The following LRRIQ1 variants were observed in gnomAD, a reference collection of about 807,000 sequenced individuals.
LRRIQ1 encodes the protein leucine-rich repeat- and IQ domain-containing protein 1.
In LRRIQ1, 210 loss-of-function variants were observed where a neutral mutation model predicts 211.9. The ratio of observed to expected loss-of-function variants is 0.99; its 90% CI spans 0.89 to 1.11. LRRIQ1 has a LOEUF of 1.11. Ranked by LOEUF, LRRIQ1 falls within the 50% of genes most tolerant of loss-of-function variation. The probability of loss-of-function intolerance (pLI) is 0.00; values close to 1 mark genes in which losing one functional copy is unlikely to be tolerated. For synonymous variants in LRRIQ1, 699 were observed against 650.1 expected (o/e 1.08, Z -1.14); for missense variants, 2,136 against 1,939.5 (o/e 1.10, Z -1.90).
At chr12:85,142,169 G>A (rs1333633502) in intron 19 of LRRIQ1, among the ~76,000 whole-genome samples, 1 of 151,310 alleles carries the variant, frequency 6.6e-6, no homozygotes, top group African/African-American at 2.4e-5. Flanking sequence ...TCAGTATTAA[G>A]TCTTAACTTT....
At chr12:85,121,068 A>G (rs1308020178) in intron 15 of LRRIQ1, among the ~76,000 whole-genome samples, 1 of 152,076 alleles carries the variant, frequency 6.6e-6, no homozygotes, top group Admixed American at 6.5e-5. Context: ...CCCCGGTTCA[A>G]GTGATTCTCC....
At chr12:85,151,939 A>AC (rs1179565050) in intron 19 of LRRIQ1, among the ~76,000 whole-genome samples, 1 of 151,700 alleles carries the variant, frequency 6.6e-6, no homozygotes, top group Non-Finnish European at 1.5e-5. Flanking sequence ...TCTGTAGTGT[A>AC]AGAGCTAAAA....
chr12:85,159,387 G>A (rs183987202), intron 23 of LRRIQ1: 7 of 152,004 alleles, frequency 4.6e-5, no homozygotes, highest in African/African-American at 1.7e-4. Flanking sequence ...ATGTTTCATT[G>A]TTGATGTCAT....
At chr12:85,152,132 A>G in intron 19 of LRRIQ1, 148 bp from the exon 20 acceptor site, 1 of 586,194 alleles carries the variant, frequency 1.7e-6, no homozygotes, top group Non-Finnish European at 2.9e-6. Flanking sequence ...ACAGATGAAT[A>G]TCATCTCACA....
chr12:85,154,160 A>ACCC (rs1565873323), intron 23 of LRRIQ1, 66 bp downstream of exon 23: 2 of 823,034 alleles, frequency 2.4e-6, no homozygotes, highest in Non-Finnish European at 3.6e-6. Context: ...TCTTTAAAAT[A>ACCC]TATTTTATAA....
At chr12:85,101,400 C>T (rs750255553) in intron 13 of LRRIQ1, among the ~76,000 whole-genome samples, 12 of 151,780 alleles carry the variant, frequency 7.9e-5, no homozygotes, top group Admixed American at 3.9e-4. Context: ...AGCCTTTTTA[C>T]TTCCAGTGAG....
At chr12:85,058,955 A>G (rs567806910) in intron 8 of LRRIQ1, among the ~76,000 whole-genome samples, 6 of 152,170 alleles carry the variant, frequency 3.9e-5, no homozygotes, top group African/African-American at 1.4e-4. Context: ...AATAGGCAGT[A>G]TAAAGATGAA....
At chr12:85,110,535 A>T (rs967755682) in intron 15 of LRRIQ1, among the ~76,000 whole-genome samples, 2 of 152,084 alleles carry the variant, frequency 1.3e-5, no homozygotes, top group Non-Finnish European at 2.9e-5. Context: ...TGCAAAATCT[A>T]CGCTTGTAAC....
At chr12:85,160,553 C>A in intron 23 of LRRIQ1, 60 bp from the exon 24 acceptor site, 1 of 1,004,642 alleles carries the variant, frequency 1.0e-6, no homozygotes, top group Non-Finnish European at 1.5e-6. Flanking sequence ...AATATGTGGA[C>A]ATTTAGAGAA....
At chr12:85,260,129 TAAA>T (rs34282611) in intron 1 of LRRIQ1, among the ~76,000 whole-genome samples, 77 of 115,568 alleles carry the variant, frequency 6.7e-4, no homozygotes, top group African/African-American at 2.1e-3. Flanking sequence ...TCATGTTGGT[TAAA>T]AAAAAAAAAA....
intron 24 of LRRIQ1, among the ~76,000 whole-genome samples, chr12:85,220,368 A>T (rs1314006451): frequency 6.6e-6 from 1 of 151,962 alleles, no homozygotes; most frequent in Non-Finnish European, 1.5e-5. Flanking sequence ...AATCTCCCTC[A>T]CTTTACGATA....
At chr12:85,201,141 C>T (rs1893270132) in intron 24 of LRRIQ1, among the ~76,000 whole-genome samples, 1 of 151,706 alleles carries the variant, frequency 6.6e-6, no homozygotes. Flanking sequence ...GATGGTTTAG[C>T]TTTTTGATGT....
At chr12:85,043,931 GA>G (rs1009962570) in intron 3 of LRRIQ1, among the ~76,000 whole-genome samples, 2 of 151,630 alleles carry the variant, frequency 1.3e-5, no homozygotes, top group Admixed American at 6.6e-5. Flanking sequence ...AATAATTTAT[GA>G]AAAAAAGAGT....
rs1298908121 is a variant in LRRIQ1 at position 85,229,631 on chromosome 12, G to C, written c.4937G>C (p.Ser1646Thr). Residue 1646 changes from serine to threonine, a missense_variant, in exon 25 of 27, where the codon AGT becomes ACT. Coordinates refer to ENST00000393217, the MANE Select transcript of LRRIQ1 (RefSeq NM_001079910.2). ...CAGGTTGGGGTTCATGAAACGACTA[G>C]TTCCAGAAATATGAAATGGTGAGGT... is the stretch of plus-strand genomic sequence containing the variant. ...HTQVGVHETT[S>T]SRNMKCNHFL... is the part of the protein sequence containing the mutation. 1 of 1,611,678 alleles carries C rather than the reference G, an allele frequency of 6.2e-7. No homozygotes were observed. Among genetic ancestry groups the C allele is most frequent in the Non-Finnish European group, 8.5e-7 (1 of 1,179,240 alleles).
At chr12:85,187,050 A>G (rs1253353563) in intron 24 of LRRIQ1, among the ~76,000 whole-genome samples, 1 of 152,184 alleles carries the variant, frequency 6.6e-6, no homozygotes, top group East Asian at 1.9e-4. Context: ...TGTAAAGGGC[A>G]TATCACAACT....
chr12:85,233,512 C>T (rs1895046914), intron 26 of LRRIQ1, among the ~76,000 whole-genome samples: 1 of 152,034 alleles, frequency 6.6e-6, no homozygotes, highest in Non-Finnish European at 1.5e-5. Flanking sequence ...TCACCAAAAA[C>T]TGATTATAAT....
chr12:85,217,802 C>A (rs945619273), intron 24 of LRRIQ1, among the ~76,000 whole-genome samples: 1 of 147,546 alleles, frequency 6.8e-6, no homozygotes, highest in African/African-American at 2.6e-5. Context: ...GTAATGTGTT[C>A]ATACACACAT....
chr12:85,181,462 A>G (rs894465934), intron 24 of LRRIQ1, among the ~76,000 whole-genome samples: 4 of 151,834 alleles, frequency 2.6e-5, no homozygotes, highest in Admixed American at 2.0e-4. Context: ...AACATAACCT[A>G]TGGTTCTTTG....
downstream of LRRIQ1, among the ~76,000 whole-genome samples, chr12:85,246,619 A>G (rs1269818961): frequency 6.6e-6 from 1 of 151,358 alleles, no homozygotes; most frequent in Non-Finnish European, 1.5e-5. Context: ...TTTTAGAGAT[A>G]TAATTATATA....
Sources: gnomAD v4.1 joint callset for allele counts (sites outside exome capture counted in the v4.1 genomes callset) on GRCh38, gnomAD v4.1.1 for gene constraint, MANE v1.5 for transcripts, NCBI Gene and HGNC (gene_info 2026-07-23, HGNC 2026-07-21) for gene names.